The following MDGA2 variants were observed in gnomAD, a reference collection of about 807,000 sequenced individuals.
MDGA2 encodes MAM domain-containing glycosylphosphatidylinositol anchor protein 2.
MDGA2 carries 40 observed loss-of-function variants against 117.8 expected under a neutral mutation model. That is an observed-to-expected ratio of 0.34 (90% CI 0.26 to 0.44). The LOEUF (loss-of-function observed/expected upper bound fraction) is 0.44, where lower values mean the gene tolerates loss of function less well. MDGA2 is among the 20% of genes least tolerant of loss of function. MDGA2 has a pLI of 1.00. For missense variants in MDGA2, 1,123 were observed against 1,250.6 expected (o/e 0.90, Z 1.54); for synonymous variants, 452 against 439.0 (o/e 1.03, Z -0.37).
intron 3 of MDGA2, among the ~76,000 whole-genome samples, chr14:47,175,175 A>C (rs934246415): frequency 7.3e-5 from 11 of 151,318 alleles, no homozygotes; most frequent in Non-Finnish European, 1.6e-4. Flanking sequence ...CCAACCAAAA[A>C]GAGTCCAGGA....
chr14:47,305,234 A>C (rs2139823330), intron 1 of MDGA2: 1 of 152,298 alleles, frequency 6.6e-6, no homozygotes, highest in African/African-American at 2.4e-5. Flanking sequence ...TTTATACCTG[A>C]AGCAAGACAT....
In MDGA2 at chr14:46,888,092, T is replaced by C. The variant is rs191479395; in HGVS notation, c.2239-5871A>G. On this transcript the variant is annotated intron_variant, in intron 10 of 16. Transcript: ENST00000399232. ...ACTCCAGTGTCCATAACTTCATATG[T>C]GTATTAAAAAAGCAATAACTTTGAT... 6.9e-4 allele frequency among the ~76,000 whole-genome samples: 105 copies of C among 152,078 alleles called. 1 individual carries two copies. The highest frequency in any genetic ancestry group is 6.2e-3 in the Admixed American group (94 of 15,248).
At chr14:47,325,179 A>G (rs1890107740) in intron 1 of MDGA2, among the ~76,000 whole-genome samples, 1 of 152,174 alleles carries the variant, frequency 6.6e-6, no homozygotes, top group South Asian at 2.1e-4. Flanking sequence ...TTGGTTGGGT[A>G]TTCAGTATCT....
intron 2 of MDGA2, among the ~76,000 whole-genome samples, chr14:47,237,964 A>G (rs979296772): frequency 6.6e-6 from 1 of 152,078 alleles, no homozygotes; most frequent in Non-Finnish European, 1.5e-5. Flanking sequence ...CAGAAAATGG[A>G]ACTCACTCCT....
intron 2 of MDGA2, among the ~76,000 whole-genome samples, chr14:47,298,591 C>T (rs1889156334): frequency 6.6e-6 from 1 of 152,088 alleles, no homozygotes; most frequent in Non-Finnish European, 1.5e-5. Context: ...ACAGCATTGC[C>T]CTTTAGACTT....
chr14:47,286,462 T>A (rs1411080083), intron 2 of MDGA2, among the ~76,000 whole-genome samples: 1 of 152,098 alleles, frequency 6.6e-6, no homozygotes, highest in Non-Finnish European at 1.5e-5. Flanking sequence ...CTCTTACATG[T>A]TAGTGAGAAC....
At chr14:46,969,779 C>T (rs1201320228) in intron 8 of MDGA2, among the ~76,000 whole-genome samples, 3 of 150,456 alleles carry the variant, frequency 2.0e-5, no homozygotes, top group South Asian at 2.1e-4. Context: ...CACCGGGGCC[C>T]GTTGTGGGGT....
intron 1 of MDGA2, among the ~76,000 whole-genome samples, chr14:47,650,912 T>C (rs1195604817): frequency 6.6e-5 from 10 of 152,174 alleles, no homozygotes; most frequent in African/African-American, 2.4e-4. Flanking sequence ...CCACTATGAC[T>C]GCTGTCACTC....
intron 1 of MDGA2, among the ~76,000 whole-genome samples, chr14:47,618,523 T>G (rs986722821): frequency 1.3e-5 from 2 of 152,214 alleles, no homozygotes; most frequent in African/African-American, 4.8e-5. Flanking sequence ...ACTTCAATTT[T>G]TCTTACTGCA....
chr14:47,232,864 T>C (rs922654322), intron 2 of MDGA2, among the ~76,000 whole-genome samples: 2 of 152,090 alleles, frequency 1.3e-5, no homozygotes, highest in African/African-American at 4.8e-5. Flanking sequence ...AGAGGAATGA[T>C]GGAAAATAGG....
At chr14:46,883,563 C>T (rs929969588) in intron 10 of MDGA2, among the ~76,000 whole-genome samples, 3 of 151,840 alleles carry the variant, frequency 2.0e-5, no homozygotes, top group Non-Finnish European at 2.9e-5. Context: ...ACTTTAGTAA[C>T]AATAAAGTGT....
intron 8 of MDGA2, among the ~76,000 whole-genome samples, chr14:46,990,876 A>C (rs8010364): frequency 7.5e-4 from 60 of 79,884 alleles, no homozygotes; most frequent in East Asian, 3.5e-3. Flanking sequence ...CCACACACAC[A>C]CACACACACA....
At chr14:47,061,098 C>T (rs1889865444) in intron 7 of MDGA2, 151 bp downstream of exon 7, 2 of 617,716 alleles carry the variant, frequency 3.2e-6, no homozygotes, top group East Asian at 5.5e-5. Flanking sequence ...GTTTCAGAAC[C>T]TAGTATTCAT....
intron 8 of MDGA2, among the ~76,000 whole-genome samples, chr14:46,990,456 T>C (rs538800639): frequency 1.0e-3 from 154 of 152,140 alleles, no homozygotes; most frequent in African/African-American, 3.4e-3. Context: ...TGAAAATCCA[T>C]GATATTCTTT....
At chr14:47,673,648 G>GTGTGTGTGTGTA (rs1485458596) in intron 1 of MDGA2, among the ~76,000 whole-genome samples, 2 of 151,620 alleles carry the variant, frequency 1.3e-5, no homozygotes, top group Non-Finnish European at 2.9e-5. Flanking sequence ...GTGTGTGTGT[G>GTGTGTGTGTGTA]TGTGTGTGTG....
At chr14:46,906,694 TAGGA>T (rs929853003) in intron 10 of MDGA2, among the ~76,000 whole-genome samples, 5 of 152,114 alleles carry the variant, frequency 3.3e-5, no homozygotes, top group African/African-American at 1.2e-4. Context: ...AATACAACTC[TAGGA>T]AGGGAGATAA....
Position 47,040,374 on chromosome 14 carries a change from T to C in MDGA2, c.1526-5070A>G, listed in dbSNP as rs181774275. ...TCTTTTTTTTACTGATTAAACAATA[T>C]ATATAGTGCATAATAACATATTACA... On this transcript the variant is annotated intron_variant, in intron 7 of 16. Coordinates refer to ENST00000399232, the MANE Select transcript of MDGA2 (RefSeq NM_001113498.3). Among the ~76,000 whole-genome samples, 253 of 152,240 alleles carry C rather than the reference T, an allele frequency of 1.7e-3. 3 individuals are homozygous for C. The highest frequency in any genetic ancestry group is 5.8e-3 in the African/African-American group (242 of 41,536).
chr14:47,425,381 A>C lies in MDGA2; in HGVS notation c.281-123831T>G, dbSNP rs188937029. Among the ~76,000 whole-genome samples the C allele has an allele frequency of 6.9e-3, 1,044 of 152,288 alleles. 6 individuals carry two copies. Among genetic ancestry groups the C allele is most frequent in the Non-Finnish European group, 9.9e-3 (671 of 68,020 alleles). On this transcript the variant is annotated intron_variant, in intron 1 of 16. Coordinates refer to ENST00000399232, the MANE Select transcript of MDGA2 (RefSeq NM_001113498.3). The stretch of plus-strand genomic sequence containing the variant: ...ATTTCAGTAGGAGATACATGTACAA[A>C]CAGTTACCTAAATGCACAAAATAAT...
rs1327151764 is a variant in MDGA2 at position 46,855,099 on chromosome 14, C to T, written c.2808G>A (p.Leu936=). 2 of 1,610,784 alleles carry T rather than the reference C, an allele frequency of 1.2e-6. No homozygotes were observed. The highest frequency in any genetic ancestry group is 1.1e-5 in the South Asian group (1 of 90,912). The change falls in exon 15 of 17, where the codon CTG becomes CTA. Residue 936 remains leucine, a synonymous_variant. Coordinates refer to ENST00000399232, the MANE Select transcript of MDGA2 (RefSeq NM_001113498.3). This position sits in a 1 kb window ranked among gnomAD's most constrained non-coding sequence, Gnocchi z 4.1. ...LKGQTTIENP[L]WSSSGNKGQR... ...GTCCTTTATTCCCACTTGAAGACCA[C>T]AGTGGATTCTCTATTGTTGTTTGCC...
Sources: allele counts gnomAD v4.1 joint callset (sites outside exome capture counted in the v4.1 genomes callset), GRCh38; gene constraint gnomAD v4.1.1; non-coding constraint Gnocchi (gnomAD v3.1); transcripts MANE v1.5; gene names NCBI Gene and HGNC (gene_info 2026-07-23, HGNC 2026-07-21).